The following ARMH1 variants were observed in gnomAD, a reference collection of about 807,000 sequenced individuals.
ARMH1 encodes armadillo-like helical domain containing protein 1.
ARMH1 carries 34 observed loss-of-function variants against 50.2 expected under a neutral mutation model. That is an observed-to-expected ratio of 0.68 (90% CI 0.51 to 0.90). The LOEUF is 0.90. Among genes scored for constraint, ARMH1 ranks in the 40% least tolerant of loss-of-function variants. The pLI, the probability that ARMH1 is intolerant of heterozygous loss-of-function variation, is 0.00. For missense variants in ARMH1, 538 were observed against 553.9 expected, an observed-to-expected ratio of 0.97 and a Z score of 0.29; for synonymous variants, 221 against 224.2, an observed-to-expected ratio of 0.99 and a Z score of 0.13.
chr1:44,707,456 G>T (rs1224773452), intron 6 of ARMH1, among the ~76,000 whole-genome samples: 4 of 152,158 alleles, frequency 2.6e-5, no homozygotes, highest in African/African-American at 9.7e-5. Context: ...TTGAGGCAGG[G>T]TTTCACCCTG....
At position 44,724,741 on chromosome 1, in the gene ARMH1, C is replaced by A. The variant is rs1174262801; in HGVS notation, c.1051-21C>A. Reference sequence around the variant, plus strand: ...AGCCCCGTCGCCCCCGCAGTCACGCCGCCTCGCCCGCGCGGCGCAGTGCTT... The same window carrying A: ...AGCCCCGTCGCCCCCGCAGTCACGCAGCCTCGCCCGCGCGGCGCAGTGCTT... On this transcript the variant is annotated intron_variant, in intron 9 of 11. Transcript: ENST00000535358. The surrounding 1 kb of genome is among the most constrained non-coding windows in gnomAD (Gnocchi z 6.4). The A allele has an allele frequency of 6.6e-7, 1 of 1,520,456 alleles. No homozygotes were observed. The allele number at this position is 1,520,456 out of a possible 1,614,324, so 94.2% of individuals were successfully genotyped here.
In ARMH1 at chr1:44,674,770, T is replaced by TCCAA. The variant is rs1212430137; in HGVS notation, c.-124_-123insAACC. 3 of 215,936 alleles carry TCCAA rather than the reference T, an allele frequency of 1.4e-5. No individual in the cohort carries two copies. The highest frequency in any genetic ancestry group is 1.9e-5 in the Non-Finnish European group (2 of 107,276). The allele number at this position is 215,936 out of a possible 1,614,324, so 13.4% of individuals were successfully genotyped here. ...TTCTGGGAATGGGCAGGGTCACTCGTCCGAACAGAGTCCTATCCTACGCGG... is the reference window on the plus strand; with the variant it reads ...TTCTGGGAATGGGCAGGGTCACTCGTCCAACCGAACAGAGTCCTATCCTACGCGG... On this transcript the variant is annotated 5_prime_UTR_variant, in exon 1 of 12. It removes the in-frame stop codon of an upstream open reading frame in the 5' UTR. Transcript: ENST00000535358.
At chr1:44,721,945 C>T (rs377488814) in intron 6 of ARMH1, 1 of 152,186 alleles carries the variant, frequency 6.6e-6, no homozygotes, top group Admixed American at 6.5e-5. Flanking sequence ...ATTGACTGGT[C>T]TCCCTCTACT....
At chr1:44,702,749 G>C (rs570898552) in intron 5 of ARMH1, among the ~76,000 whole-genome samples, 75 of 148,742 alleles carry the variant, frequency 5.0e-4, no homozygotes, top group African/African-American at 1.8e-3. Context: ...GAAAAAGAAA[G>C]AGGGCAATGA....
In ARMH1 at chr1:44,724,891, G is replaced by A. The variant is rs185415192; in HGVS notation, c.1128+52G>A. On this transcript the variant is annotated intron_variant, in intron 10 of 11. Coordinates refer to ENST00000535358, the MANE Select transcript of ARMH1 (RefSeq NM_001145636.2). This position sits in a 1 kb window ranked among gnomAD's most constrained non-coding sequence, Gnocchi z 6.4. Reference sequence around the variant, plus strand: ...CAATGAGCAGATGGCGGCTCGGACAGTGTGATGCCCCTTCAGACAGTCCCC... The same window carrying A: ...CAATGAGCAGATGGCGGCTCGGACAATGTGATGCCCCTTCAGACAGTCCCC... 2.2e-3 allele frequency: 3,319 copies of A among 1,528,378 alleles called. 10 individuals are homozygous for A. The Middle Eastern group carries it at 0.022, about 10-fold the overall frequency. 94.7% of individuals were successfully genotyped at this position (1,528,378 alleles called of 1,614,324 possible).
rs140278922 is a variant in ARMH1, at chr1:44,681,823, G to A, written c.-23+6950G>A. On this transcript the variant is annotated intron_variant, in intron 1 of 11. Coordinates refer to ENST00000535358, the MANE Select transcript of ARMH1 (RefSeq NM_001145636.2). This position sits in a 1 kb window ranked among gnomAD's most constrained non-coding sequence, Gnocchi z 4.3. Reference sequence around the variant, plus strand: ...AATTGTAGACTTCATAGGTGGGATGGTGCTAGCCAGTCACAGATTTGGGGT... The same window carrying A: ...AATTGTAGACTTCATAGGTGGGATGATGCTAGCCAGTCACAGATTTGGGGT... 6.1e-3 allele frequency among the ~76,000 whole-genome samples: 932 copies of A among 152,298 alleles called. 11 individuals are homozygous for A. The highest frequency in any genetic ancestry group is 0.021 in the African/African-American group (877 of 41,560).
chr1:44,689,553 C>T (rs747080049), intron 1 of ARMH1, 123 bp from the exon 2 acceptor site: 17 of 728,638 alleles, frequency 2.3e-5, no homozygotes, highest in Admixed American at 4.9e-5. Flanking sequence ...GTATATTTTG[C>T]GCATAACTAC....
At position 44,689,765 on chromosome 1, in the gene ARMH1, C is replaced by G. The variant is rs1645594814; in HGVS notation, c.68C>G (p.Ala23Gly). 3 of 1,552,014 alleles carry G rather than the reference C, an allele frequency of 1.9e-6. No homozygotes were observed. Among genetic ancestry groups the G allele is most frequent in the Non-Finnish European group, 2.6e-6 (3 of 1,147,060 alleles). Residue 23 changes from alanine (A) to glycine (G), a missense_variant, in exon 2 of 12, where the codon GCT becomes GGT. Coordinates refer to ENST00000535358, the MANE Select transcript of ARMH1 (RefSeq NM_001145636.2). ...AGTTTTTTACAGGAGTGGGACAACG[C>G]TGGCAAAGTCGCAAGGAGTCACATC... is the stretch of plus-strand genomic sequence containing the variant. ...LLSFLQEWDN[A>G]GKVARSHILD...
intron 1 of ARMH1, among the ~76,000 whole-genome samples, chr1:44,680,078 G>T (rs375427556): frequency 9.9e-5 from 15 of 152,284 alleles, no homozygotes; most frequent in African/African-American, 3.6e-4. Context: ...ACACTGAGAT[G>T]CAGAGGGCCC....
chr1:44,699,536 G>C (rs899980459), intron 4 of ARMH1, among the ~76,000 whole-genome samples: 13 of 151,220 alleles, frequency 8.6e-5, no homozygotes, highest in African/African-American at 3.1e-4. Flanking sequence ...TGCAACCTCT[G>C]CCTCCTAGGT....
rs781557603 is a variant in ARMH1 at position 44,698,229 on chromosome 1, G to A, written c.442G>A (p.Gly148Ser). Residue 148 changes from glycine to serine, a missense_variant and splice_region_variant, in exon 4 of 12, where the codon GGT (glycine) becomes AGT (serine). Transcript: ENST00000535358. ...TYKELICESY[G>S]VRSIAEFLAK... ...CAAGGAACTCATTTGTGAAAGCTAT[G>A]GTGGGTACTGTGTGTGACAAGATGT... is the stretch of plus-strand genomic sequence containing the variant. The A allele has an allele frequency of 4.5e-6, 7 of 1,551,096 alleles. No homozygotes were observed. The African/African-American group carries it at 9.6e-5, about 21-fold the overall frequency.
chr1:44,724,384 G>C lies in ARMH1; in HGVS notation c.912G>C (p.Lys304Asn), dbSNP rs1317154048. 8 of 1,550,320 alleles carry C rather than the reference G, an allele frequency of 5.2e-6. No homozygotes were observed. Among genetic ancestry groups the C allele is most frequent in the Non-Finnish European group, 7.0e-6 (8 of 1,146,900 alleles). Reference protein sequence around the residue: ...PMFLQQAAAAKAIGVLARNDM... With the variant: ...PMFLQQAAAANAIGVLARNDM... Reference sequence around the variant, plus strand: ...TTTTGCAGCAGGCCGCGGCCGCCAAGGCCATCGGGTAAGCGGGCAGGGGTT... The same window carrying C: ...TTTTGCAGCAGGCCGCGGCCGCCAACGCCATCGGGTAAGCGGGCAGGGGTT... The change falls in exon 8 of 12, where the codon AAG (lysine) becomes AAC (asparagine). Residue 304 changes from lysine (K) to asparagine (N), a missense_variant. Physicochemically the swap from Lys to Asn is moderately conservative, Grantham distance 94. Coordinates refer to ENST00000535358, the MANE Select transcript of ARMH1 (RefSeq NM_001145636.2). The surrounding 1 kb of genome is among the most constrained non-coding windows in gnomAD (Gnocchi z 6.4).
chr1:44,677,740 G>A (rs929512379), intron 1 of ARMH1, among the ~76,000 whole-genome samples: 11 of 152,162 alleles, frequency 7.2e-5, no homozygotes, highest in African/African-American at 2.7e-4. Context: ...GGATGCCCGT[G>A]AGCTAGGTAC....
At chr1:44,713,935 A>G (rs1379577089) in intron 6 of ARMH1, among the ~76,000 whole-genome samples, 1 of 152,144 alleles carries the variant, frequency 6.6e-6, no homozygotes, top group African/African-American at 2.4e-5. Context: ...TGTGCATAAA[A>G]TATATTTTTA....
chr1:44,725,180 G>C lies in ARMH1; in HGVS notation c.1173G>C (p.Ala391=). ...ACATGAAAATAGACAGCATTCAGGC[G>C]GACATCTTGGCGGCCAACACAGTCA... ...DLYMKIDSIQ[A]DILAANTVNV... Residue 391 remains alanine (A), a synonymous_variant, in exon 11 of 12, where the codon GCG becomes GCC. Coordinates refer to ENST00000535358, the MANE Select transcript of ARMH1 (RefSeq NM_001145636.2). 6.4e-7 allele frequency: 1 copy of C among 1,552,006 alleles called. No individual in the cohort carries two copies. Among genetic ancestry groups the C allele is most frequent in the Non-Finnish European group, 8.7e-7 (1 of 1,147,030 alleles).
intron 5 of ARMH1, among the ~76,000 whole-genome samples, chr1:44,703,826 AC>A (rs1251287916): frequency 6.7e-6 from 1 of 150,038 alleles, no homozygotes; most frequent in Non-Finnish European, 1.5e-5. Context: ...TCCCGGGTTC[AC>A]GCCATTCTCC....
At chr1:44,678,408 G>C (rs1306951761) in intron 1 of ARMH1, among the ~76,000 whole-genome samples, 6 of 152,014 alleles carry the variant, frequency 3.9e-5, no homozygotes, top group Non-Finnish European at 8.8e-5. Flanking sequence ...TGAGGAAAAG[G>C]TGGGGGCAGA....
Position 44,682,989 on chromosome 1 carries a change from TG to T in ARMH1, c.-22-6683del, listed in dbSNP as rs1253311577. ...TCTCACATCACTGTGGAGTTTAGGC[TG>T]GGGCAAGCCCGAAGACCAGTGGAGG... On this transcript the variant is annotated intron_variant, in intron 1 of 11. Transcript: ENST00000535358. This position sits in a 1 kb window ranked among gnomAD's most constrained non-coding sequence, Gnocchi z 4.5. 1.3e-5 allele frequency among the ~76,000 whole-genome samples: 2 copies of T among 152,176 alleles called. No homozygotes were observed. The highest frequency in any genetic ancestry group is 4.8e-5 in the African/African-American group (2 of 41,434).
chr1:44,698,198 G>A lies in ARMH1; in HGVS notation c.411G>A (p.Arg137=). 1.9e-6 allele frequency: 3 copies of A among 1,552,256 alleles called. No homozygotes were observed. Among genetic ancestry groups the A allele is most frequent in the African/African-American group, 1.4e-5 (1 of 73,168 alleles). Residue 137 remains arginine (R), a synonymous_variant, in exon 4 of 12, where the codon AGG becomes AGA. Transcript: ENST00000535358. Reference sequence around the variant, plus strand: ...TTCAGGTTATTGCGAACTCTGGCAGGACATACAAGGAACTCATTTGTGAAA... The same window carrying A: ...TTCAGGTTATTGCGAACTCTGGCAGAACATACAAGGAACTCATTTGTGAAA... The part of the protein sequence containing the change: ...KLLQVIANSG[R]TYKELICESY...
Sources: gnomAD v4.1 joint callset for allele counts (sites outside exome capture counted in the v4.1 genomes callset) on GRCh38, gnomAD v4.1.1 for gene constraint, Gnocchi (gnomAD v3.1) non-coding constraint, MANE v1.5 for transcripts, NCBI Gene and HGNC (gene_info 2026-07-23, HGNC 2026-07-21) for gene names.